The following TP63 variants were observed in gnomAD, a reference collection of about 807,000 sequenced individuals.
The protein encoded by TP63 is tumor protein p63, also known as tumor protein 63.
Under a neutral mutation model 82.8 loss-of-function variants are expected in TP63, and 17 were observed. The ratio of observed to expected loss-of-function variants is 0.21; its 90% CI spans 0.14 to 0.31. The LOEUF is 0.31. Among genes scored for constraint, TP63 ranks in the 10% least tolerant of loss-of-function variants. The pLI is 1.00. For missense variants in TP63, 648 were observed against 895.3 expected (o/e 0.72, Z 3.52); for synonymous variants, 330 against 321.7 (o/e 1.03, Z -0.28).
intron 3 of TP63, among the ~76,000 whole-genome samples, chr3:189,749,408 A>G (rs1467881455): frequency 6.6e-6 from 1 of 152,212 alleles, no homozygotes; most frequent in South Asian, 2.1e-4. Flanking sequence ...TTTTCAAAAA[A>G]AGATGTAAAA....
intron 1 of TP63, among the ~76,000 whole-genome samples, chr3:189,653,825 T>C (rs926827960): frequency 2.6e-5 from 4 of 152,184 alleles, no homozygotes; most frequent in Admixed American, 2.6e-4. Flanking sequence ...AAGGTGCTTG[T>C]CTAGTTTTCC....
chr3:189,821,735 G>C (rs900830750), intron 4 of TP63, among the ~76,000 whole-genome samples: 2 of 152,102 alleles, frequency 1.3e-5, no homozygotes, highest in Non-Finnish European at 2.9e-5. Flanking sequence ...TTGGAATTTA[G>C]ACTTCAGAAA....
chr3:189,797,464 T>A (rs1379980031), intron 3 of TP63, among the ~76,000 whole-genome samples: 1 of 152,094 alleles, frequency 6.6e-6, no homozygotes, highest in Non-Finnish European at 1.5e-5. Context: ...TTTCTCAAGT[T>A]TATTCTTTCT....
At chr3:189,776,348 CT>C (rs1723792816) in intron 3 of TP63, among the ~76,000 whole-genome samples, 2 of 152,162 alleles carry the variant, frequency 1.3e-5, no homozygotes, top group Non-Finnish European at 2.9e-5. Context: ...AGACAGAGCG[CT>C]TCCTCCTTTC....
chr3:189,684,632 CT>C (rs11379017), intron 1 of TP63, among the ~76,000 whole-genome samples: 32,728 of 134,476 alleles, frequency 0.24, 3,425 homozygotes, highest in East Asian at 0.53. Flanking sequence ...TTCTTTCTTT[CT>C]TTTTTTTTTT....
intron 1 of TP63, chr3:189,645,340 GA>G: frequency 1.9e-6 from 1 of 524,002 alleles, no homozygotes; most frequent in Non-Finnish European, 3.6e-6. Context: ...GATCTTTCTT[GA>G]AGTCTAGTAA....
chr3:189,691,026 G>T (rs1425464602), intron 1 of TP63, among the ~76,000 whole-genome samples: 1 of 152,044 alleles, frequency 6.6e-6, no homozygotes. Flanking sequence ...CTTCACTACT[G>T]CCAGAGATTT....
At chr3:189,631,767 G>T (rs914627571) in intron 1 of TP63, among the ~76,000 whole-genome samples, 190 bp downstream of exon 1, 1 of 151,762 alleles carries the variant, frequency 6.6e-6, no homozygotes, top group Admixed American at 6.6e-5. Flanking sequence ...GTTGATATTT[G>T]GATCTACAAA....
intron 3 of TP63, among the ~76,000 whole-genome samples, chr3:189,762,027 G>A (rs1577366478): frequency 6.6e-6 from 1 of 152,322 alleles, no homozygotes; most frequent in East Asian, 1.9e-4. Flanking sequence ...GGTGGGAATA[G>A]GAAAGCTACA....
chr3:189,645,989 C>A (rs1712394698), intron 1 of TP63, among the ~76,000 whole-genome samples: 1 of 147,022 alleles, frequency 6.8e-6, no homozygotes, highest in South Asian at 2.2e-4. Flanking sequence ...CATATAATGA[C>A]TTCTTTTCCT....
intron 1 of TP63, among the ~76,000 whole-genome samples, chr3:189,723,747 C>T (rs1444234128): frequency 6.6e-6 from 1 of 152,114 alleles, no homozygotes; most frequent in African/African-American, 2.4e-5. Flanking sequence ...AACTTATCTA[C>T]CAGGTATCCT....
intron 4 of TP63, among the ~76,000 whole-genome samples, chr3:189,822,733 C>T (rs1728924127): frequency 6.6e-6 from 1 of 152,048 alleles, no homozygotes; most frequent in Non-Finnish European, 1.5e-5. Flanking sequence ...ATGACTCGGA[C>T]TCATGCTACA....
intron 1 of TP63, among the ~76,000 whole-genome samples, chr3:189,687,313 T>C (rs996335873): frequency 6.6e-6 from 1 of 152,172 alleles, no homozygotes; most frequent in African/African-American, 2.4e-5. Flanking sequence ...AAAGTTTTCT[T>C]TTAATACAAT....
chr3:189,894,526 A>G lies in TP63; in HGVS notation c.*24A>G, dbSNP rs765951190. ...GAGCCTCACCATGTGAGCTCTTCCT[A>G]TCCCTCTCCTAACTGCCAGCCCCCT... On this transcript the variant is annotated 3_prime_UTR_variant, in exon 14 of 14. Coordinates refer to ENST00000264731, the MANE Select transcript of TP63 (RefSeq NM_003722.5). The G allele has an allele frequency of 1.9e-6, 3 of 1,611,240 alleles. No homozygotes were observed. Among genetic ancestry groups the G allele is most frequent in the South Asian group, 1.1e-5 (1 of 90,962 alleles).
chr3:189,718,962 A>G (rs1244762056), intron 1 of TP63, among the ~76,000 whole-genome samples: 2 of 152,348 alleles, frequency 1.3e-5, no homozygotes, highest in East Asian at 3.9e-4. Context: ...AACATAAAGA[A>G]TACTTCGGAA....
chr3:189,840,860 A>C (rs1298384704), intron 4 of TP63, among the ~76,000 whole-genome samples: 2 of 42,802 alleles, frequency 4.7e-5, no homozygotes, highest in Non-Finnish European at 1.2e-4. Context: ...CAGTCTCCAA[A>C]AAAAAAAAAA....
At chr3:189,890,548 T>A (rs1218440210) in intron 12 of TP63, among the ~76,000 whole-genome samples, 1 of 152,172 alleles carries the variant, frequency 6.6e-6, no homozygotes, top group Non-Finnish European at 1.5e-5. Flanking sequence ...GATCACCATA[T>A]GATAATCGCT....
chr3:189,620,750 A>C, the TP63 span, among the ~76,000 whole-genome samples: 2 of 152,214 alleles, frequency 1.3e-5, no homozygotes, highest in Non-Finnish European at 2.9e-5. Context: ...GTGTGGCCTC[A>C]ATAAATGTGA....
chr3:189,762,114 A>G (rs1055396111), intron 3 of TP63, among the ~76,000 whole-genome samples: 1 of 152,218 alleles, frequency 6.6e-6, no homozygotes, highest in East Asian at 1.9e-4. Flanking sequence ...TTTAAAATAT[A>G]CTAGACTTTC....
Sources: allele counts gnomAD v4.1 joint callset (sites outside exome capture counted in the v4.1 genomes callset), GRCh38; gene constraint gnomAD v4.1.1; transcripts MANE v1.5; gene names NCBI Gene and HGNC (gene_info 2026-07-23, HGNC 2026-07-21).